The following NGRN variants were observed in gnomAD, a reference collection of about 807,000 sequenced individuals.
NGRN encodes the protein neugrin, neurite outgrowth associated, also known as neugrin.
NGRN carries 12 observed loss-of-function variants against 13.1 expected under a neutral mutation model. The ratio of observed to expected loss-of-function variants is 0.92; its 90% CI spans 0.59 to 1.49. NGRN has a LOEUF of 1.49. Ranked by LOEUF, NGRN falls within the 40% of genes most tolerant of loss-of-function variation. NGRN has a pLI of 0.00. For synonymous variants in NGRN, 149 were observed against 145.8 expected, an observed-to-expected ratio of 1.02 and a Z score of -0.16; for missense variants, 397 against 357.0, an observed-to-expected ratio of 1.11 and a Z score of -0.90.
intron 2 of NGRN, among the ~76,000 whole-genome samples, chr15:90,267,029 CTT>C (rs36090180): frequency 1.0e-4 from 14 of 134,730 alleles, no homozygotes; most frequent in Non-Finnish European, 8.1e-5. Context: ...CCTGTGGGTA[CTT>C]TTTTTTTTTT....
At position 90,266,376 on chromosome 15, in the gene NGRN, T is replaced by C; in HGVS notation, c.253T>C (p.Trp85Arg). The C allele has an allele frequency of 6.2e-7, 1 of 1,613,560 alleles. No homozygotes were observed. Among genetic ancestry groups the C allele is most frequent in the South Asian group, 1.1e-5 (1 of 90,938 alleles). The change falls in exon 2 of 3, where the codon TGG (tryptophan) becomes CGG (arginine). Residue 85 changes from tryptophan (W) to arginine (R), a missense_variant. By Grantham distance (101) the Trp-to-Arg change is moderately radical. Coordinates refer to ENST00000379095, the MANE Select transcript of NGRN (RefSeq NM_001033088.3). ...TGGTGCCCCGCCCAGGACCCTGACG[T>C]GGGAAGCCATGGAGCAGATACGGTG... Reference protein sequence around the residue: ...APGAPPRTLTWEAMEQIRYLH... With the variant: ...APGAPPRTLTREAMEQIRYLH...
At chr15:90,269,568 T>A (rs1441190639) in intron 2 of NGRN, among the ~76,000 whole-genome samples, 1 of 152,154 alleles carries the variant, frequency 6.6e-6, no homozygotes, top group African/African-American at 2.4e-5. Context: ...CATAGAGTTC[T>A]GTCCTTGTCA....
In NGRN at chr15:90,271,197, T is replaced by G; in HGVS notation, c.285T>G (p.His95Gln). 1 of 1,610,588 alleles carries G rather than the reference T, an allele frequency of 6.2e-7. No homozygotes were observed. The highest frequency in any genetic ancestry group is 2.2e-5 in the East Asian group (1 of 44,842). Residue 95 changes from histidine (H) to glutamine (Q), a missense_variant, in exon 3 of 3, where the codon CAT becomes CAG. By Grantham distance (24) the His-to-Gln change is conservative (BLOSUM62 0). Transcript: ENST00000379095. ...WEAMEQIRYL[H>Q]EEFPESWSVP... ...CTCCTTCTTCCCGTAGGTATTTACA[T>G]GAGGAATTTCCAGAGTCCTGGTCAG...
Position 90,271,877 on chromosome 15 carries a change from T to G in NGRN, c.*89T>G. 1 of 1,522,442 alleles carries G rather than the reference T, an allele frequency of 6.6e-7. No homozygotes were observed. The highest frequency in any genetic ancestry group is 8.9e-7 in the Non-Finnish European group (1 of 1,128,344). The allele number at this position is 1,522,442 out of a possible 1,614,324, so 94.3% of individuals were successfully genotyped here. On this transcript the variant is annotated 3_prime_UTR_variant, in exon 3 of 3. Transcript: ENST00000379095. The stretch of plus-strand genomic sequence containing the variant: ...AACAGCCTGGATTTCTGCATATGGA[T>G]AAGCCACCTTGGAATAGGAAGAGGT...
chr15:90,271,106 T>C (rs1272751815), intron 2 of NGRN, 82 bp from the exon 3 acceptor site: 1 of 1,499,682 alleles, frequency 6.7e-7, no homozygotes, highest in Admixed American at 2.1e-5. Flanking sequence ...TCAACCCCTC[T>C]TCTTTATCAT....
At chr15:90,268,037 T>A (rs1596201033) in intron 2 of NGRN, among the ~76,000 whole-genome samples, 1 of 152,306 alleles carries the variant, frequency 6.6e-6, no homozygotes, top group Middle Eastern at 3.4e-3. Context: ...GCAGTCTCAC[T>A]CTGTCGCCCA....
rs1963418274 is a variant in NGRN, at chr15:90,266,269, A to G, written c.165-19A>G. ...TCTGCTTCCACGCATGGCTTCTGCCATTGGTTCTCTTCCCCCAGCACCCTG... is the reference window on the plus strand; with the variant it reads ...TCTGCTTCCACGCATGGCTTCTGCCGTTGGTTCTCTTCCCCCAGCACCCTG... On this transcript the variant is annotated intron_variant, in intron 1 of 2. Coordinates refer to ENST00000379095, the MANE Select transcript of NGRN (RefSeq NM_001033088.3). 2 of 1,609,314 alleles carry G rather than the reference A, an allele frequency of 1.2e-6. No homozygotes were observed. The highest frequency in any genetic ancestry group is 1.1e-5 in the South Asian group (1 of 90,188).
At chr15:90,267,992 C>T (rs1364516599) in intron 2 of NGRN, among the ~76,000 whole-genome samples, 2 of 151,688 alleles carry the variant, frequency 1.3e-5, no homozygotes, top group Non-Finnish European at 3.0e-5. Flanking sequence ...TCTAGCTCCT[C>T]TTTTTTTCGT....
At chr15:90,270,132 G>C (rs560927632) in intron 2 of NGRN, among the ~76,000 whole-genome samples, 50 of 152,252 alleles carry the variant, frequency 3.3e-4, no homozygotes, top group African/African-American at 1.2e-3. Context: ...CTGGGCTCAA[G>C]CAATCCTCCT....
At position 90,270,636 on chromosome 15, in the gene NGRN, C is replaced by T. The variant is rs1441044220; in HGVS notation, c.276-552C>T. 2.0e-5 allele frequency among the ~76,000 whole-genome samples: 3 copies of T among 152,188 alleles called. 1 individual carries two copies. Among genetic ancestry groups the T allele is most frequent in the Non-Finnish European group, 4.4e-5 (3 of 68,034 alleles). ...GGGAAGGTCAGTCCTCCTGCGTCCC[C>T]AGGATCTATTGTGGTATTAGATGTC... On this transcript the variant is annotated intron_variant, in intron 2 of 2. Coordinates refer to ENST00000379095, the MANE Select transcript of NGRN (RefSeq NM_001033088.3).
chr15:90,266,065 C>G, intron 1 of NGRN, 189 bp downstream of exon 1: 1 of 1,422,376 alleles, frequency 7.0e-7, no homozygotes, highest in African/African-American at 1.5e-5. Context: ...TCATTAGTGA[C>G]GTATTTCATC....
At chr15:90,270,376 T>C (rs1193712871) in intron 2 of NGRN, among the ~76,000 whole-genome samples, 2 of 152,232 alleles carry the variant, frequency 1.3e-5, no homozygotes, top group Admixed American at 6.5e-5. Flanking sequence ...CTTCACTTTA[T>C]CATCAGTATC....
In NGRN at chr15:90,272,004, T is replaced by A. The variant is rs1963513124; in HGVS notation, c.*216T>A. 2 of 578,816 alleles carry A rather than the reference T, an allele frequency of 3.5e-6. No homozygotes were observed. Among genetic ancestry groups the A allele is most frequent in the Admixed American group, 3.1e-5 (1 of 32,550 alleles). 35.9% of individuals were successfully genotyped at this position (578,816 alleles called of 1,614,324 possible). ...TCTGTAGACCTTCAGTACTCACTCT[T>A]CTTGCTTAGGCTCTCTGTGTGTTGA... On this transcript the variant is annotated 3_prime_UTR_variant, in exon 3 of 3. Coordinates refer to ENST00000379095, the MANE Select transcript of NGRN (RefSeq NM_001033088.3).
rs773376624 is a variant in NGRN, at chr15:90,271,180, T to C, written c.276-8T>C. ...CACAACTTGCAAACCTGCTCCTTCT[T>C]CCCGTAGGTATTTACATGAGGAATT... On this transcript the variant is annotated splice_region_variant and splice_polypyrimidine_tract_variant and intron_variant, in intron 2 of 2. Transcript: ENST00000379095. The C allele has an allele frequency of 3.7e-6, 6 of 1,603,914 alleles. No homozygotes were observed. The highest frequency in any genetic ancestry group is 5.1e-6 in the Non-Finnish European group (6 of 1,175,038).
At position 90,271,378 on chromosome 15, in the gene NGRN, T is replaced by C. The variant is rs372378482; in HGVS notation, c.466T>C (p.Ser156Pro). 34 of 1,614,020 alleles carry C rather than the reference T, an allele frequency of 2.1e-5. No homozygotes were observed. In the African/African-American group the frequency reaches 2.5e-4, roughly 12 times the overall value. Residue 156 changes from serine (S) to proline (P), a missense_variant, in exon 3 of 3, where the codon TCT becomes CCT. Transcript: ENST00000379095. The part of the protein sequence containing the change: ...LAHSLQHLRG[S>P]GNTSKLLPAG... ...CCACTCGCTGCAGCACCTCCGGGGCTCTGGAAATACCTCAAAGCTGCTCCC... is the reference window on the plus strand; with the variant it reads ...CCACTCGCTGCAGCACCTCCGGGGCCCTGGAAATACCTCAAAGCTGCTCCC...
rs745898763 is a variant in NGRN, at chr15:90,271,373, G to A, written c.461G>A (p.Arg154Gln). The A allele has an allele frequency of 3.4e-5, 55 of 1,613,858 alleles. No homozygotes were observed. The highest frequency in any genetic ancestry group is 8.9e-5 in the East Asian group (4 of 44,898). ...CTTGCCCACTCGCTGCAGCACCTCCGGGGCTCTGGAAATACCTCAAAGCTG... is the reference window on the plus strand; with the variant it reads ...CTTGCCCACTCGCTGCAGCACCTCCAGGGCTCTGGAAATACCTCAAAGCTG... ...AGLAHSLQHLRGSGNTSKLLP... is the reference protein window; with the variant it reads ...AGLAHSLQHLQGSGNTSKLLP... The change falls in exon 3 of 3, where the codon CGG becomes CAG. Residue 154 changes from arginine (R) to glutamine (Q), a missense_variant. By Grantham distance (43) the Arg-to-Gln change is conservative. Transcript: ENST00000379095.
At position 90,271,774 on chromosome 15, in the gene NGRN, C is replaced by T. The variant is rs1485216439; in HGVS notation, c.862C>T (p.Leu288=). ...REFFDSNGNF[L]YRI is the part of the protein sequence containing the mutation. ...GTTCTTTGACAGCAACGGGAACTTC[C>T]TGTACAGAATTTGAGTCGGGGCTTG... Residue 288 remains leucine, a synonymous_variant, in exon 3 of 3, where the codon CTG becomes TTG. Coordinates refer to ENST00000379095, the MANE Select transcript of NGRN (RefSeq NM_001033088.3). The T allele has an allele frequency of 5.0e-6, 8 of 1,613,904 alleles. No homozygotes were observed. The African/African-American group carries it at 5.3e-5, about 11-fold the overall frequency.
At chr15:90,266,672 T>C in intron 2 of NGRN, among the ~76,000 whole-genome samples, 1 of 152,122 alleles carries the variant, frequency 6.6e-6, no homozygotes, top group East Asian at 1.9e-4. Context: ...CCTCGGCCTC[T>C]CAGAGTGCTG....
chr15:90,266,256 C>G (rs1963418159), intron 1 of NGRN, 32 bp from the exon 2 acceptor site: 1 of 1,601,426 alleles, frequency 6.2e-7, no homozygotes. Context: ...TGCTTCCACG[C>G]ATGGCTTCTG....
Sources: allele counts gnomAD v4.1 joint callset (sites outside exome capture counted in the v4.1 genomes callset), GRCh38; gene constraint gnomAD v4.1.1; transcripts MANE v1.5; gene names NCBI Gene and HGNC (gene_info 2026-07-23, HGNC 2026-07-21).